The following PITPNC1 variants were observed in gnomAD, a reference collection of about 807,000 sequenced individuals.
The protein encoded by PITPNC1 is phosphatidylinositol transfer protein cytoplasmic 1, also known as cytoplasmic phosphatidylinositol transfer protein 1.
Under a neutral mutation model 44.7 loss-of-function variants are expected in PITPNC1, and 18 were observed. That is an observed-to-expected ratio of 0.40 (90% CI 0.28 to 0.60). The LOEUF is 0.60. PITPNC1 is among the 20% of genes least tolerant of loss of function. The pLI is 0.39. For synonymous variants in PITPNC1, 141 were observed against 149.6 expected, an observed-to-expected ratio of 0.94 and a Z score of 0.42; for missense variants, 290 against 418.4, an observed-to-expected ratio of 0.69 and a Z score of 2.68.
intron 4 of PITPNC1, among the ~76,000 whole-genome samples, chr17:67,575,539 A>G (rs759663027): frequency 6.6e-6 from 1 of 152,142 alleles, no homozygotes; most frequent in Non-Finnish European, 1.5e-5. Context: ...CAGGAGAATT[A>G]TCGATGGCAC....
intron 1 of PITPNC1, among the ~76,000 whole-genome samples, chr17:67,445,955 G>T (rs549012888): frequency 2.7e-5 from 4 of 150,548 alleles, no homozygotes; most frequent in Non-Finnish European, 5.9e-5. Context: ...TATTTTTTTT[G>T]GTTTTTTTTG....
intron 1 of PITPNC1, among the ~76,000 whole-genome samples, chr17:67,468,949 A>G (rs1373793194): frequency 6.6e-6 from 1 of 151,878 alleles, no homozygotes; most frequent in Non-Finnish European, 1.5e-5. Flanking sequence ...GGCTGGTCTC[A>G]AACTCCTGAC....
intron 8 of PITPNC1, among the ~76,000 whole-genome samples, chr17:67,677,757 A>T (rs2042629273): frequency 6.6e-6 from 1 of 151,808 alleles, no homozygotes; most frequent in South Asian, 2.1e-4. Flanking sequence ...TTTTTAGTAG[A>T]GATGGGGTTT....
intron 5 of PITPNC1, among the ~76,000 whole-genome samples, chr17:67,608,665 A>AG (rs1440651190): frequency 3.3e-5 from 4 of 122,260 alleles, no homozygotes; most frequent in Non-Finnish European, 6.8e-5. Context: ...TAGTTTTTCT[A>AG]GTTTTTTTTT....
chr17:67,692,763 A>G lies in PITPNC1; in HGVS notation c.874A>G (p.Lys292Glu), dbSNP rs1405767005. The change falls in exon 9 of 9, where the codon AAA (lysine) becomes GAA (glutamate). Residue 292 changes from lysine (K) to glutamate (E), a missense_variant. Coordinates refer to ENST00000581322, the MANE Select transcript of PITPNC1 (RefSeq NM_012417.4). ...TDAPEFLSVP[K>E]DRPRKKSAPE... is the part of the protein sequence containing the mutation. ...CGCACCCGAATTTCTGTCCGTTCCC[A>G]AAGATCGGCCCCGGAAAAAGTCTGC... 2.5e-6 allele frequency: 4 copies of G among 1,613,774 alleles called. No homozygotes were observed. The highest frequency in any genetic ancestry group is 3.4e-6 in the Non-Finnish European group (4 of 1,179,794).
intron 1 of PITPNC1, among the ~76,000 whole-genome samples, chr17:67,468,322 G>A (rs1018174600): frequency 7.9e-5 from 12 of 152,178 alleles, no homozygotes; most frequent in South Asian, 2.1e-4. Flanking sequence ...GCGTGCAGGA[G>A]CAGCATCAGG....
At chr17:67,424,516 G>T (rs937130193) in intron 1 of PITPNC1, among the ~76,000 whole-genome samples, 3 of 151,972 alleles carry the variant, frequency 2.0e-5, no homozygotes, top group Non-Finnish European at 4.4e-5. Flanking sequence ...AATTAGCTGG[G>T]CGTGGTGGTG....
At chr17:67,383,431 A>T (rs2037993860) in intron 1 of PITPNC1, among the ~76,000 whole-genome samples, 2 of 152,234 alleles carry the variant, frequency 1.3e-5, no homozygotes, top group Non-Finnish European at 2.9e-5. Flanking sequence ...TGTGTAAAGC[A>T]GGTACACTGG....
intron 6 of PITPNC1, among the ~76,000 whole-genome samples, chr17:67,653,120 A>G (rs751201050): frequency 7.9e-5 from 12 of 152,116 alleles, no homozygotes; most frequent in Non-Finnish European, 1.5e-4. Flanking sequence ...CATCTCTACT[A>G]AAAATACAAA....
At chr17:67,577,127 AT>A (rs1319945321) in intron 4 of PITPNC1, among the ~76,000 whole-genome samples, 1 of 151,544 alleles carries the variant, frequency 6.6e-6, no homozygotes, top group African/African-American at 2.4e-5. Flanking sequence ...TACCAAAAAA[AT>A]TTTAAAAATC....
intron 6 of PITPNC1, among the ~76,000 whole-genome samples, chr17:67,668,584 C>A (rs2042459215): frequency 6.6e-6 from 1 of 151,966 alleles, no homozygotes; most frequent in South Asian, 2.1e-4. Flanking sequence ...AAAATTGAGG[C>A]CAGGCACGGT....
At position 67,696,880 on chromosome 17, in the gene PITPNC1, G is replaced by A. The variant is rs1050358263; in HGVS notation, c.*3992G>A. 2.0e-5 allele frequency: 3 copies of A among 150,702 alleles called. No individual in the cohort carries two copies. The highest frequency in any genetic ancestry group is 7.3e-5 in the African/African-American group (3 of 40,858). The allele number at this position is 150,702 out of a possible 1,614,324, so 9.3% of individuals were successfully genotyped here. A position where few individuals can be genotyped will look rare whatever the true frequency, so the allele number is the denominator to read the frequency against. ...TAGGATAAGCCTCTTGATGTTTTTT[G>A]CTTTAAATTGAAAGCATGTCTGTCA... is the stretch of plus-strand genomic sequence containing the variant. On this transcript the variant is annotated 3_prime_UTR_variant, in exon 9 of 9. Transcript: ENST00000581322.
At chr17:67,575,398 G>A (rs914445357) in intron 4 of PITPNC1, among the ~76,000 whole-genome samples, 4 of 152,148 alleles carry the variant, frequency 2.6e-5, no homozygotes, top group East Asian at 1.9e-4. Flanking sequence ...ATGAATAATC[G>A]CAGGGCCTTG....
chr17:67,686,499 G>T (rs950756195), intron 8 of PITPNC1, among the ~76,000 whole-genome samples: 3 of 151,994 alleles, frequency 2.0e-5, no homozygotes, highest in African/African-American at 7.2e-5. Flanking sequence ...GTATAGACCT[G>T]CACTCTCTGA....
In PITPNC1 at chr17:67,388,328, G is replaced by GTT. The variant is rs768092457; in HGVS notation, c.48+10140_48+10141dup. Among the ~76,000 whole-genome samples, 1,077 of 134,630 alleles carry GTT rather than the reference G, an allele frequency of 8.0e-3. 21 individuals are homozygous for GTT. Among genetic ancestry groups the GTT allele is most frequent in the African/African-American group, 0.026 (936 of 35,878 alleles). 88.3% of individuals were successfully genotyped at this position (134,630 alleles called of 152,430 possible). On this transcript the variant is annotated intron_variant, in intron 1 of 8. Transcript: ENST00000581322. ...ATTAGTTTTCGTTTCTTTTTTTCGT[G>GTT]TTTTTTTTTTTTTTTCCCTTGGAGT...
chr17:67,692,581 T>C lies in PITPNC1; in HGVS notation c.692T>C (p.Met231Thr), dbSNP rs2042949711. 6.2e-7 allele frequency: 1 copy of C among 1,612,146 alleles called. No homozygotes were observed. The change falls in exon 9 of 9, where the codon ATG (methionine) becomes ACG (threonine). Residue 231 changes from methionine (M) to threonine (T), a missense_variant. Transcript: ENST00000581322. ...AWVDEWYDMT[M>T]DEVREFERAT... ...GTTTTTCTCCTTGAAGACATGACAA[T>C]GGATGAAGTCCGAGAATTTGAACGA... is the stretch of plus-strand genomic sequence containing the variant.
At chr17:67,670,545 C>T (rs573613612) in intron 7 of PITPNC1, among the ~76,000 whole-genome samples, 5 of 151,926 alleles carry the variant, frequency 3.3e-5, no homozygotes, top group African/African-American at 4.8e-5. Flanking sequence ...GTCAGGAGTT[C>T]GAGACCAGCC....
intron 1 of PITPNC1, among the ~76,000 whole-genome samples, chr17:67,511,414 G>A (rs1467162418): frequency 6.6e-6 from 1 of 152,112 alleles, no homozygotes; most frequent in Non-Finnish European, 1.5e-5. Flanking sequence ...TTTAATAGAC[G>A]TTGCCAAATC....
chr17:67,660,862 C>CTT (rs141244732), intron 6 of PITPNC1, among the ~76,000 whole-genome samples: 3 of 111,852 alleles, frequency 2.7e-5, no homozygotes, highest in African/African-American at 6.7e-5. Flanking sequence ...ATCACATTCT[C>CTT]TTTTTTTTTT....
Sources: gnomAD v4.1 joint callset for allele counts (sites outside exome capture counted in the v4.1 genomes callset) on GRCh38, gnomAD v4.1.1 for gene constraint, MANE v1.5 for transcripts, NCBI Gene and HGNC (gene_info 2026-07-23, HGNC 2026-07-21) for gene names.